The following ADAMTSL1 variants were observed in gnomAD, a reference collection of about 807,000 sequenced individuals.
ADAMTSL1 encodes ADAMTS-like protein 1.
ADAMTSL1 carries 126 observed loss-of-function variants against 201.8 expected under a neutral mutation model. That is an observed-to-expected ratio of 0.62 (90% CI 0.54 to 0.72). The LOEUF (loss-of-function observed/expected upper bound fraction) is 0.72, where lower values mean the gene tolerates loss of function less well. Ranked by LOEUF, ADAMTSL1 falls within the 30% of genes least tolerant of loss-of-function variation. ADAMTSL1 has a pLI of 0.00. For missense variants in ADAMTSL1, 2,679 were observed against 2,277.8 expected, an observed-to-expected ratio of 1.18 and a Z score of -3.59; for synonymous variants, 1,121 against 903.4, an observed-to-expected ratio of 1.24 and a Z score of -4.32.
intron 2 of ADAMTSL1, among the ~76,000 whole-genome samples, chr9:18,427,185 C>T (rs1819262418): frequency 6.6e-6 from 1 of 152,290 alleles, no homozygotes; most frequent in East Asian, 1.9e-4. Flanking sequence ...CTAAAAGTTA[C>T]TGCACACAGT....
At chr9:18,094,015 C>A (rs1241723369) in intron 1 of ADAMTSL1, among the ~76,000 whole-genome samples, 1 of 152,236 alleles carries the variant, frequency 6.6e-6, no homozygotes, top group African/African-American at 2.4e-5. Flanking sequence ...GGAGTTGATC[C>A]ATCATTTCAT....
chr9:18,272,147 G>A (rs1419515533), intron 2 of ADAMTSL1, among the ~76,000 whole-genome samples: 5 of 152,100 alleles, frequency 3.3e-5, no homozygotes, highest in African/African-American at 9.7e-5. Flanking sequence ...TCTGATGGTA[G>A]TTTCTTTTGC....
At chr9:18,863,182 TAAGAGAATAACC>T (rs1827313908) in intron 23 of ADAMTSL1, among the ~76,000 whole-genome samples, 1 of 152,276 alleles carries the variant, frequency 6.6e-6, no homozygotes, top group African/African-American at 2.4e-5. Flanking sequence ...TCTTCACCTG[TAAGAGAATAACC>T]AAGTCCTAGG....
At position 18,871,707 on chromosome 9, in the gene ADAMTSL1, T is replaced by C. The variant is rs185016110; in HGVS notation, c.4250-16124T>C. Among the ~76,000 whole-genome samples, 614 of 152,320 alleles carry C rather than the reference T, an allele frequency of 4.0e-3. 7 individuals carry two copies. The highest frequency in any genetic ancestry group is 0.014 in the African/African-American group (571 of 41,582). On this transcript the variant is annotated intron_variant, in intron 23 of 28. Coordinates refer to ENST00000380548, the MANE Select transcript of ADAMTSL1 (RefSeq NM_001040272.6). ...TACCTATTTCTGTTCATGGTCTCAC[T>C]CGTGTTCCAAACTCTTTAGCTCTTA... is the stretch of plus-strand genomic sequence containing the variant.
intron 2 of ADAMTSL1, among the ~76,000 whole-genome samples, chr9:18,412,105 A>C (rs765735492): frequency 6.6e-5 from 10 of 152,184 alleles, no homozygotes; most frequent in Non-Finnish European, 1.5e-4. Context: ...GATTTTGCTA[A>C]TTGCTTCCTC....
At chr9:17,929,557 C>G (rs1020746685) in intron 1 of ADAMTSL1, among the ~76,000 whole-genome samples, 1 of 152,168 alleles carries the variant, frequency 6.6e-6, no homozygotes, top group East Asian at 1.9e-4. Context: ...TCCTCTTCCC[C>G]TCACTCAGCT....
At chr9:18,546,382 GCTCAC>G (rs1820468190) in intron 3 of ADAMTSL1, among the ~76,000 whole-genome samples, 1 of 152,006 alleles carries the variant, frequency 6.6e-6, no homozygotes, top group Non-Finnish European at 1.5e-5. Flanking sequence ...TACAATCACA[GCTCAC>G]TATAACCTCA....
At chr9:18,068,190 G>A (rs562321556) in intron 1 of ADAMTSL1, among the ~76,000 whole-genome samples, 47 of 152,080 alleles carry the variant, frequency 3.1e-4, no homozygotes, top group Middle Eastern at 3.2e-3. Context: ...TATTAAGATA[G>A]CAGCTCTTCC....
intron 2 of ADAMTSL1, among the ~76,000 whole-genome samples, chr9:18,342,268 CCTTT>C (rs1468831971): frequency 2.6e-5 from 4 of 152,150 alleles, no homozygotes; most frequent in East Asian, 3.9e-4. Flanking sequence ...CCTGGATCTT[CCTTT>C]GAGTAATTGT....
intron 2 of ADAMTSL1, among the ~76,000 whole-genome samples, chr9:18,220,474 T>A (rs1277347233): frequency 6.6e-6 from 1 of 152,180 alleles, no homozygotes; most frequent in Non-Finnish European, 1.5e-5. Flanking sequence ...TTTTTTAAAA[T>A]TTTTCAATAC....
chr9:18,775,607 TA>T (rs1474083426), intron 17 of ADAMTSL1, 135 bp from the exon 18 acceptor site: 14 of 1,161,686 alleles, frequency 1.2e-5, no homozygotes, highest in Non-Finnish European at 1.7e-5. Context: ...TGTGACCTCA[TA>T]ATTAGTATTT....
At chr9:17,994,608 A>T (rs1207662799) in intron 1 of ADAMTSL1, among the ~76,000 whole-genome samples, 1 of 152,166 alleles carries the variant, frequency 6.6e-6, no homozygotes, top group Admixed American at 6.5e-5. Flanking sequence ...TAGCACTTGT[A>T]TTTAATGTGA....
At chr9:18,364,789 G>A (rs1836695315) in intron 2 of ADAMTSL1, among the ~76,000 whole-genome samples, 4 of 152,118 alleles carry the variant, frequency 2.6e-5, no homozygotes, top group Admixed American at 2.6e-4. Context: ...ATGGGGGAAG[G>A]TGAAGGGCAA....
chr9:18,293,101 T>C (rs1254892980), intron 2 of ADAMTSL1, among the ~76,000 whole-genome samples: 1 of 152,208 alleles, frequency 6.6e-6, no homozygotes. Flanking sequence ...GATCTTATTC[T>C]TCTTTATGGC....
At chr9:18,379,896 G>A (rs1033728248) in intron 2 of ADAMTSL1, among the ~76,000 whole-genome samples, 7 of 152,130 alleles carry the variant, frequency 4.6e-5, no homozygotes, top group African/African-American at 1.7e-4. Context: ...TCCCATCGGG[G>A]ATTAAAGGCT....
intron 2 of ADAMTSL1, among the ~76,000 whole-genome samples, chr9:18,374,795 T>C (rs1196556887): frequency 2.0e-5 from 3 of 152,156 alleles, no homozygotes; most frequent in African/African-American, 7.2e-5. Flanking sequence ...ATTTATTAGA[T>C]GCACTAAAGA....
chr9:18,853,914 T>C (rs1217362138), intron 23 of ADAMTSL1, among the ~76,000 whole-genome samples: 12 of 124,372 alleles, frequency 9.6e-5, no homozygotes, highest in East Asian at 2.8e-4. Flanking sequence ...TGTGTGTGTG[T>C]GTGTGCGCGT....
chr9:18,769,542 A>C (rs1055072923), intron 16 of ADAMTSL1, among the ~76,000 whole-genome samples: 1 of 152,238 alleles, frequency 6.6e-6, no homozygotes, highest in Non-Finnish European at 1.5e-5. Flanking sequence ...AAACACAGAC[A>C]GTCCAGAGCA....
At chr9:18,815,417 G>A (rs960376790) in intron 20 of ADAMTSL1, among the ~76,000 whole-genome samples, 6 of 151,630 alleles carry the variant, frequency 4.0e-5, no homozygotes, top group Admixed American at 2.6e-4. Context: ...AGGCGTGGTG[G>A]CTCATGCCTG....
Sources: gnomAD v4.1 joint callset for allele counts (sites outside exome capture counted in the v4.1 genomes callset) on GRCh38, gnomAD v4.1.1 for gene constraint, MANE v1.5 for transcripts, NCBI Gene and HGNC (gene_info 2026-07-23, HGNC 2026-07-21) for gene names.